The following ACER2 variants were observed in gnomAD, a reference collection of about 807,000 sequenced individuals.
The protein encoded by ACER2 is alkCDase 2.
A neutral mutation model predicts 34.7 loss-of-function variants in ACER2; 26 were observed. That is an observed-to-expected ratio of 0.75 (90% confidence interval 0.55 to 1.04). The LOEUF (loss-of-function observed/expected upper bound fraction) is 1.04. Among genes scored for constraint, ACER2 ranks in the 50% least tolerant of loss-of-function variants. ACER2 has a pLI of 0.00. For missense variants in ACER2, 352 were observed against 340.8 expected (o/e 1.03, Z -0.26); for synonymous variants, 138 against 132.1 (o/e 1.04, Z -0.31).
At chr9:19,443,746 A>G (rs936402290) in intron 4 of ACER2, among the ~76,000 whole-genome samples, 13 of 151,446 alleles carry the variant, frequency 8.6e-5, no homozygotes, top group African/African-American at 2.9e-4. Context: ...AACCTCCACA[A>G]TCTGGGTTCA....
chr9:19,417,471 A>G (rs1261642677), intron 1 of ACER2, among the ~76,000 whole-genome samples: 1 of 152,248 alleles, frequency 6.6e-6, no homozygotes. Context: ...ACTTCATACT[A>G]CAAGGCTATG....
At chr9:19,434,102 G>A (rs1273503608) in intron 3 of ACER2, among the ~76,000 whole-genome samples, 4 of 149,054 alleles carry the variant, frequency 2.7e-5, no homozygotes, top group South Asian at 2.1e-4. Context: ...ACGGGGTGGC[G>A]GCCGGGCAGA....
chr9:19,451,297 A>T lies in ACER2; in HGVS notation c.*661A>T, dbSNP rs947313438. The T allele has an allele frequency of 2.6e-5, 4 of 152,668 alleles. No homozygotes were observed. The highest frequency in any genetic ancestry group is 9.6e-5 in the African/African-American group (4 of 41,458). 9.5% of individuals were successfully genotyped at this position (152,668 alleles called of 1,614,324 possible). A position where few individuals can be genotyped will look rare whatever the true frequency, so the allele number is the denominator to read the frequency against. ...AGAGACAAGACCCTCTGACTCTGTGATGGAAGATGCCAGAGATTTTCCTTT... is the reference window on the plus strand; with the variant it reads ...AGAGACAAGACCCTCTGACTCTGTGTTGGAAGATGCCAGAGATTTTCCTTT... On this transcript the variant is annotated 3_prime_UTR_variant, in exon 6 of 6. Transcript: ENST00000340967.
intron 3 of ACER2, among the ~76,000 whole-genome samples, chr9:19,431,185 TAATG>T (rs1284382441): frequency 1.3e-5 from 2 of 152,174 alleles, no homozygotes; most frequent in Non-Finnish European, 2.9e-5. Context: ...ATAACAGTAA[TAATG>T]AATTTTATTA....
intron 1 of ACER2, among the ~76,000 whole-genome samples, chr9:19,415,233 G>C (rs1032095711): frequency 1.3e-5 from 2 of 152,194 alleles, no homozygotes; most frequent in African/African-American, 4.8e-5. Flanking sequence ...GCTTATGCCT[G>C]TAATCCCAGC....
intron 1 of ACER2, chr9:19,409,849 A>G (rs1361406845): frequency 3.0e-6 from 3 of 985,194 alleles, no homozygotes; most frequent in Non-Finnish European, 3.6e-6. Context: ...CTGAGGGATG[A>G]AAGGAAAGTT....
intron 3 of ACER2, among the ~76,000 whole-genome samples, chr9:19,432,281 C>A (rs987311229): frequency 1.3e-5 from 2 of 152,050 alleles, no homozygotes; most frequent in African/African-American, 2.4e-5. Context: ...TTTCTTAAAA[C>A]TTTTTTTGGG....
intron 1 of ACER2, among the ~76,000 whole-genome samples, chr9:19,410,596 G>A (rs1246951792): frequency 6.6e-6 from 1 of 152,150 alleles, no homozygotes; most frequent in African/African-American, 2.4e-5. Context: ...TGTCGTCCCA[G>A]CTACTTGGGA....
intron 3 of ACER2, among the ~76,000 whole-genome samples, chr9:19,429,798 C>G (rs1488369011): frequency 6.6e-6 from 1 of 152,174 alleles, no homozygotes; most frequent in African/African-American, 2.4e-5. Flanking sequence ...CTTAAACTCT[C>G]TGGGCCTTAG....
chr9:19,417,428 A>G lies in ACER2; in HGVS notation c.109-6434A>G, dbSNP rs12335672. On this transcript the variant is annotated intron_variant, in intron 1 of 5. Transcript: ENST00000340967. ...CACATTGCCAAGGCATTCCTAAGCC[A>G]AAAGAACAAAGCTGGAGGCATCACG... Among the ~76,000 whole-genome samples the G allele has an allele frequency of 5.2e-3, 788 of 152,368 alleles. 8 individuals are homozygous for G. The highest frequency in any genetic ancestry group is 0.018 in the African/African-American group (764 of 41,582).
chr9:19,415,565 A>T (rs1482059982), intron 1 of ACER2, among the ~76,000 whole-genome samples: 2 of 152,140 alleles, frequency 1.3e-5, no homozygotes, highest in Non-Finnish European at 2.9e-5. Flanking sequence ...AGTTTTACAT[A>T]TCATAATTTT....
intron 1 of ACER2, among the ~76,000 whole-genome samples, chr9:19,416,547 T>G (rs1830244874): frequency 6.6e-6 from 1 of 151,964 alleles, no homozygotes; most frequent in Admixed American, 6.6e-5. Flanking sequence ...TATATTTTAT[T>G]TTTTTGAGAC....
chr9:19,447,844 A>G (rs1181026561), intron 5 of ACER2, among the ~76,000 whole-genome samples: 1 of 152,186 alleles, frequency 6.6e-6, no homozygotes, highest in Non-Finnish European at 1.5e-5. Flanking sequence ...TAAACAACAT[A>G]GAAGTATAGA....
intron 1 of ACER2, among the ~76,000 whole-genome samples, chr9:19,412,799 T>C (rs955192503): frequency 6.6e-6 from 1 of 152,210 alleles, no homozygotes; most frequent in Non-Finnish European, 1.5e-5. Flanking sequence ...TCAGCTCATA[T>C]AGTGCTCTCT....
At position 19,440,701 on chromosome 9, in the gene ACER2, C is replaced by T. The variant is rs991656756; in HGVS notation, c.504-5580C>T. ...CATGGATTAAGACACTGTTTTTCTC[C>T]CTTTTTACGTCCCCCTGAAAGATCT... On this transcript the variant is annotated intron_variant, in intron 4 of 5. Coordinates refer to ENST00000340967, the MANE Select transcript of ACER2 (RefSeq NM_001010887.3). Among the ~76,000 whole-genome samples the T allele has an allele frequency of 4.6e-5, 7 of 152,160 alleles. No homozygotes were observed. The East Asian group carries it at 5.8e-4, about 13-fold the overall frequency.
At chr9:19,411,367 G>A (rs901128284) in intron 1 of ACER2, among the ~76,000 whole-genome samples, 9 of 151,694 alleles carry the variant, frequency 5.9e-5, no homozygotes, top group Non-Finnish European at 8.8e-5. Context: ...AGCAAAAAAC[G>A]TTTCTTCCCC....
At chr9:19,444,618 A>G (rs1249594042) in intron 4 of ACER2, among the ~76,000 whole-genome samples, 2 of 152,162 alleles carry the variant, frequency 1.3e-5, no homozygotes, top group African/African-American at 2.4e-5. Context: ...ACGAGCTTGC[A>G]CTGAGGGGAG....
intron 1 of ACER2, among the ~76,000 whole-genome samples, chr9:19,413,711 G>T (rs896457562): frequency 5.3e-5 from 8 of 152,076 alleles, no homozygotes; most frequent in Non-Finnish European, 1.2e-4. Context: ...TGGGGACTCT[G>T]TTGCTCAGCA....
At chr9:19,449,899 A>G (rs1831502665) in intron 5 of ACER2, among the ~76,000 whole-genome samples, 1 of 151,938 alleles carries the variant, frequency 6.6e-6, no homozygotes, top group Admixed American at 6.6e-5. Flanking sequence ...TTAAAAAAAA[A>G]AAAAAAAAAA....
Sources: allele counts gnomAD v4.1 joint callset (sites outside exome capture counted in the v4.1 genomes callset), GRCh38; gene constraint gnomAD v4.1.1; transcripts MANE v1.5; gene names NCBI Gene and HGNC (gene_info 2026-07-23, HGNC 2026-07-21).